Variants in ASTN1 observed in about 807,000 individuals in gnomAD.
ASTN1 encodes the protein astrotactin-1.
Under a neutral mutation model 140.7 loss-of-function variants are expected in ASTN1, and 41 were observed. That is an observed-to-expected ratio of 0.29 (90% confidence interval 0.23 to 0.38). The LOEUF (loss-of-function observed/expected upper bound fraction) is 0.38. Ranked by LOEUF, ASTN1 falls within the 10% of genes least tolerant of loss-of-function variation. The pLI, the probability that ASTN1 is intolerant of heterozygous loss-of-function variation, is 1.00. For missense variants in ASTN1, 1,479 were observed against 1,678.8 expected (o/e 0.88, Z 2.08); for synonymous variants, 640 against 652.2 (o/e 0.98, Z 0.29).
At chr1:177,108,361 A>AAT (rs1012048708) in intron 1 of ASTN1, among the ~76,000 whole-genome samples, 1 of 151,706 alleles carries the variant, frequency 6.6e-6, no homozygotes, top group African/African-American at 2.4e-5. Flanking sequence ...AAAAAAAAAA[A>AAT]AAAAAGAAAA....
At chr1:176,941,693 C>G (rs1671720507) in intron 14 of ASTN1, among the ~76,000 whole-genome samples, 1 of 152,238 alleles carries the variant, frequency 6.6e-6, no homozygotes, top group African/African-American at 2.4e-5. Context: ...CAGGACTTTT[C>G]TGGCTATCTC....
chr1:177,134,792 G>C (rs895020500), intron 1 of ASTN1, among the ~76,000 whole-genome samples: 1 of 152,184 alleles, frequency 6.6e-6, no homozygotes, highest in Non-Finnish European at 1.5e-5. Context: ...CAGCAATAAT[G>C]ATCATCCTGT....
At chr1:177,140,464 A>T (rs1682412981) in intron 1 of ASTN1, among the ~76,000 whole-genome samples, 2 of 152,178 alleles carry the variant, frequency 1.3e-5, no homozygotes, top group Admixed American at 6.5e-5. Flanking sequence ...TTACCACTTT[A>T]TGGGAAACAA....
intron 8 of ASTN1, among the ~76,000 whole-genome samples, chr1:177,002,843 C>A (rs773456520): frequency 1.3e-5 from 2 of 151,994 alleles, no homozygotes; most frequent in Non-Finnish European, 1.5e-5. Flanking sequence ...TCCAGTTCGA[C>A]CTCTATTCAC....
At chr1:177,107,649 C>T (rs1680615778) in intron 1 of ASTN1, among the ~76,000 whole-genome samples, 1 of 152,136 alleles carries the variant, frequency 6.6e-6, no homozygotes, top group Admixed American at 6.5e-5. Context: ...TACAGCTCTC[C>T]CCCAGACAGC....
intron 1 of ASTN1, among the ~76,000 whole-genome samples, chr1:177,104,306 C>T (rs1278590482): frequency 6.6e-6 from 1 of 152,090 alleles, no homozygotes; most frequent in African/African-American, 2.4e-5. Flanking sequence ...TTATTAGTCT[C>T]CTGAAGATTA....
chr1:177,030,738 T>C, intron 4 of ASTN1, 68 bp downstream of exon 4: 1 of 1,588,436 alleles, frequency 6.3e-7, no homozygotes, highest in Non-Finnish European at 8.6e-7. Context: ...GGGTAGAAGA[T>C]ATTAATGGCC....
intron 5 of ASTN1, chr1:177,029,317 T>C (rs749832173): frequency 9.0e-6 from 5 of 553,806 alleles, no homozygotes; most frequent in Non-Finnish European, 1.8e-5. Flanking sequence ...TTAACTTTGT[T>C]TGTCTGAACA....
chr1:177,141,498 C>T (rs144814267), intron 1 of ASTN1, among the ~76,000 whole-genome samples: 1 of 152,274 alleles, frequency 6.6e-6, no homozygotes, highest in Non-Finnish European at 1.5e-5. Flanking sequence ...CAGCACTCAG[C>T]CCTTTTCATT....
chr1:176,861,047 C>T, downstream of ASTN1: 1 of 941,924 alleles, frequency 1.1e-6, no homozygotes, highest in Non-Finnish European at 1.3e-6. Context: ...TACTGAAAGA[C>T]ACAACATCCA....
At chr1:176,884,931 C>T (rs1459469686) in intron 18 of ASTN1, among the ~76,000 whole-genome samples, 1 of 152,160 alleles carries the variant, frequency 6.6e-6, no homozygotes, top group Non-Finnish European at 1.5e-5. Flanking sequence ...ATTAATAAGG[C>T]CACAGTTGGT....
At chr1:176,999,089 AG>A (rs1674595704) in intron 8 of ASTN1, among the ~76,000 whole-genome samples, 1 of 152,216 alleles carries the variant, frequency 6.6e-6, no homozygotes, top group African/African-American at 2.4e-5. Flanking sequence ...AAAACTATTG[AG>A]GGTCCTGCCA....
chr1:176,940,319 C>G (rs1671662558), intron 14 of ASTN1, among the ~76,000 whole-genome samples: 1 of 152,150 alleles, frequency 6.6e-6, no homozygotes. Context: ...AGACCACTAT[C>G]CATAACAAAC....
rs768717391 is a variant in ASTN1, at chr1:177,050,206, A to C, written c.471+10872T>G. Among the ~76,000 whole-genome samples, 83 of 152,180 alleles carry C rather than the reference A, an allele frequency of 5.5e-4. 1 individual carries two copies. The highest frequency in any genetic ancestry group is 2.5e-4 in the Non-Finnish European group (17 of 68,034). On this transcript the variant is annotated intron_variant, in intron 2 of 22. Transcript: ENST00000361833. The stretch of plus-strand genomic sequence containing the variant: ...ACAAGATGCAGACATGGAGGAAATG[A>C]AGGTTGAATCCTTTCATAAGCATCT...
At chr1:177,108,540 G>A (rs1276175329) in intron 1 of ASTN1, among the ~76,000 whole-genome samples, 1 of 151,980 alleles carries the variant, frequency 6.6e-6, no homozygotes, top group African/African-American at 2.4e-5. Context: ...TCCTCTTTGA[G>A]GCTGAATAAT....
intron 1 of ASTN1, among the ~76,000 whole-genome samples, chr1:177,108,019 A>T (rs1174649561): frequency 6.6e-6 from 1 of 152,094 alleles, no homozygotes; most frequent in African/African-American, 2.4e-5. Flanking sequence ...TATTCTGAAC[A>T]TGTATAAAAA....
chr1:177,091,851 G>A (rs1679770104), intron 1 of ASTN1, among the ~76,000 whole-genome samples: 1 of 152,032 alleles, frequency 6.6e-6, no homozygotes, highest in South Asian at 2.1e-4. Flanking sequence ...ACATGTTGTA[G>A]CACGTATCGG....
intron 8 of ASTN1, among the ~76,000 whole-genome samples, chr1:176,979,042 G>T (rs1001609186): frequency 1.3e-5 from 2 of 152,192 alleles, no homozygotes; most frequent in Non-Finnish European, 2.9e-5. Flanking sequence ...AAGGGAGTTC[G>T]TGAATATATA....
chr1:176,900,768 C>T (rs1004870430), intron 16 of ASTN1, among the ~76,000 whole-genome samples: 1 of 152,108 alleles, frequency 6.6e-6, no homozygotes, highest in Non-Finnish European at 1.5e-5. Flanking sequence ...AGTTTAGAAC[C>T]GAGCCTGGGA....
Sources: allele counts gnomAD v4.1 joint callset (sites outside exome capture counted in the v4.1 genomes callset), GRCh38; gene constraint gnomAD v4.1.1; transcripts MANE v1.5; gene names NCBI Gene and HGNC (gene_info 2026-07-23, HGNC 2026-07-21).